Variants in LHFPL3 observed in about 807,000 individuals in gnomAD.
The protein encoded by LHFPL3 is LHFPL tetraspan subfamily member 3.
A neutral mutation model predicts 19.3 loss-of-function variants in LHFPL3; 5 were observed. The ratio of observed to expected loss-of-function variants is 0.26; its 90% CI spans 0.14 to 0.54. LHFPL3 has a LOEUF of 0.54. LHFPL3 is among the 20% of genes least tolerant of loss of function. The pLI, the probability that LHFPL3 is intolerant of heterozygous loss-of-function variation, is 0.94. For missense variants in LHFPL3, 249 were observed against 307.4 expected (o/e 0.81, Z 1.42); for synonymous variants, 133 against 126.2 (o/e 1.05, Z -0.36).
At chr7:104,735,347 A>G (rs1793789796) in intron 1 of LHFPL3, among the ~76,000 whole-genome samples, 2 of 152,238 alleles carry the variant, frequency 1.3e-5, no homozygotes, top group Non-Finnish European at 2.9e-5. Flanking sequence ...GGCCTCCTTG[A>G]GCTGCGGTGG....
intron 2 of LHFPL3, among the ~76,000 whole-genome samples, chr7:104,755,773 A>G (rs1361004843): frequency 6.6e-6 from 1 of 152,122 alleles, no homozygotes. Context: ...TTGGCTCACC[A>G]CAACCTCTGC....
intron 1 of LHFPL3, among the ~76,000 whole-genome samples, chr7:104,475,780 A>T (rs886392653): frequency 6.6e-6 from 1 of 152,244 alleles, no homozygotes; most frequent in Non-Finnish European, 1.5e-5. Flanking sequence ...AAATTTGGAC[A>T]CAGTTTTTCT....
chr7:104,405,893 T>C (rs1791403907), intron 1 of LHFPL3, among the ~76,000 whole-genome samples: 1 of 152,220 alleles, frequency 6.6e-6, no homozygotes, highest in South Asian at 2.1e-4. Context: ...AGAGTGTTGA[T>C]GTAGGATTTA....
chr7:104,683,234 C>A (rs1792744622), intron 1 of LHFPL3, among the ~76,000 whole-genome samples: 1 of 152,238 alleles, frequency 6.6e-6, no homozygotes, highest in Non-Finnish European at 1.5e-5. Context: ...AGGTGATCCA[C>A]TCGTCTCAGC....
chr7:104,532,318 C>CTTT (rs71155504), intron 1 of LHFPL3, among the ~76,000 whole-genome samples: 3,448 of 87,138 alleles, frequency 0.04, 44 homozygotes, highest in East Asian at 0.045. Context: ...TTCTTTCTGT[C>CTTT]TTTTTTTTTT....
At chr7:104,464,903 G>A (rs1424598214) in intron 1 of LHFPL3, among the ~76,000 whole-genome samples, 1 of 152,120 alleles carries the variant, frequency 6.6e-6, no homozygotes. Flanking sequence ...TTCTACAGTG[G>A]GCTTGAATTT....
At chr7:104,854,986 C>A (rs544708990) in intron 2 of LHFPL3, among the ~76,000 whole-genome samples, 1 of 143,624 alleles carries the variant, frequency 7.0e-6, no homozygotes, top group Non-Finnish European at 1.5e-5. Flanking sequence ...CCTCAGTAAG[C>A]TCTTTAGTCT....
chr7:104,341,612 T>C (rs2116367020), intron 1 of LHFPL3, among the ~76,000 whole-genome samples: 1 of 152,340 alleles, frequency 6.6e-6, no homozygotes, highest in African/African-American at 2.4e-5. Context: ...CCATGGTGAA[T>C]AGTTCTGCTC....
intron 1 of LHFPL3, among the ~76,000 whole-genome samples, chr7:104,521,958 C>A (rs1562924491): frequency 1.3e-5 from 2 of 151,996 alleles, no homozygotes; most frequent in African/African-American, 4.8e-5. Context: ...ACTAGTTCAA[C>A]CATTGTGGAA....
chr7:104,705,658 C>T (rs1012929459), intron 1 of LHFPL3, among the ~76,000 whole-genome samples: 2 of 152,130 alleles, frequency 1.3e-5, no homozygotes, highest in Admixed American at 1.3e-4. Context: ...AGCACCTGTT[C>T]AGTCAGGACT....
At chr7:104,354,258 C>T (rs902052546) in intron 1 of LHFPL3, among the ~76,000 whole-genome samples, 2 of 152,226 alleles carry the variant, frequency 1.3e-5, no homozygotes, top group African/African-American at 2.4e-5. Flanking sequence ...TCCAGAGTTG[C>T]GTCCACCACA....
intron 1 of LHFPL3, among the ~76,000 whole-genome samples, chr7:104,734,306 C>T (rs1002126291): frequency 6.6e-6 from 1 of 152,220 alleles, no homozygotes; most frequent in Non-Finnish European, 1.5e-5. Context: ...TAATATCCTG[C>T]AGAGTGTTTT....
intron 1 of LHFPL3, among the ~76,000 whole-genome samples, chr7:104,514,458 C>T (rs1014528023): frequency 6.6e-6 from 1 of 152,186 alleles, no homozygotes; most frequent in Non-Finnish European, 1.5e-5. Flanking sequence ...CCACAGTCAC[C>T]AGCCCATTGC....
At chr7:104,544,952 AT>A (rs1235539418) in intron 1 of LHFPL3, among the ~76,000 whole-genome samples, 1 of 147,844 alleles carries the variant, frequency 6.8e-6, no homozygotes, top group Non-Finnish European at 1.5e-5. Flanking sequence ...GGATTTTTGG[AT>A]TAGGTGCATT....
At chr7:104,643,480 C>T (rs115020108) in intron 1 of LHFPL3, among the ~76,000 whole-genome samples, 148 of 152,278 alleles carry the variant, frequency 9.7e-4, no homozygotes, top group African/African-American at 3.4e-3. Context: ...GATACCTACA[C>T]TGTATATTTT....
chr7:104,606,492 T>G (rs987928663), intron 1 of LHFPL3, among the ~76,000 whole-genome samples: 1 of 152,166 alleles, frequency 6.6e-6, no homozygotes, highest in African/African-American at 2.4e-5. Context: ...TCTTTGAAAC[T>G]TAGGTTTCGG....
intron 1 of LHFPL3, among the ~76,000 whole-genome samples, chr7:104,576,698 A>C (rs915772769): frequency 6.6e-6 from 1 of 152,062 alleles, no homozygotes; most frequent in Non-Finnish European, 1.5e-5. Context: ...ACACTGTTTC[A>C]TGGACCCTGT....
intron 1 of LHFPL3, among the ~76,000 whole-genome samples, chr7:104,724,144 A>C (rs977701281): frequency 1.3e-5 from 2 of 152,204 alleles, no homozygotes; most frequent in African/African-American, 4.8e-5. Context: ...TGGCTATACA[A>C]ATCGTGCAGG....
intron 1 of LHFPL3, among the ~76,000 whole-genome samples, chr7:104,605,616 TA>T: frequency 6.6e-6 from 1 of 152,322 alleles, no homozygotes; most frequent in African/African-American, 2.4e-5. Context: ...TCTGACTTGA[TA>T]AAGCCATCTG....
Sources: gnomAD v4.1 joint callset for allele counts (sites outside exome capture counted in the v4.1 genomes callset) on GRCh38, gnomAD v4.1.1 for gene constraint, MANE v1.5 for transcripts, NCBI Gene and HGNC (gene_info 2026-07-23, HGNC 2026-07-21) for gene names.